The following PREX2 variants were observed in gnomAD, a reference collection of about 807,000 sequenced individuals.
The protein encoded by PREX2 is phosphatidylinositol 3,4,5-trisphosphate-dependent Rac exchanger 2 protein.
Under a neutral mutation model 203.2 loss-of-function variants are expected in PREX2, and 107 were observed. The observed-to-expected ratio is 0.53, with a 90% CI of 0.45 to 0.62. The LOEUF (loss-of-function observed/expected upper bound fraction) is 0.62. Among genes scored for constraint, PREX2 ranks in the 20% least tolerant of loss-of-function variants. The pLI, the probability that PREX2 is intolerant of heterozygous loss-of-function variation, is 0.00. For missense variants in PREX2, 1,777 were observed against 1,955.9 expected (o/e 0.91, Z 1.72); for synonymous variants, 672 against 663.6 (o/e 1.01, Z -0.19).
At chr8:68,130,857 C>T (rs1333936464) in intron 31 of PREX2, among the ~76,000 whole-genome samples, 1 of 152,116 alleles carries the variant, frequency 6.6e-6, no homozygotes, top group African/African-American at 2.4e-5. Flanking sequence ...GAAGAAGAGC[C>T]CCAGTACTTC....
At chr8:68,224,315 C>A (rs1813014621) in intron 38 of PREX2, among the ~76,000 whole-genome samples, 1 of 152,184 alleles carries the variant, frequency 6.6e-6, no homozygotes, top group African/African-American at 2.4e-5. Context: ...CTGTGCCTGG[C>A]CTGTTTTCAA....
At chr8:68,024,950 C>A (rs1434572896) in intron 4 of PREX2, among the ~76,000 whole-genome samples, 1 of 151,884 alleles carries the variant, frequency 6.6e-6, no homozygotes, top group East Asian at 1.9e-4. Context: ...TGTTCCATTT[C>A]ATCTCTCCTC....
chr8:67,958,424 G>T (rs924192174), intron 1 of PREX2, among the ~76,000 whole-genome samples: 7 of 152,290 alleles, frequency 4.6e-5, no homozygotes, highest in Admixed American at 6.5e-5. Flanking sequence ...CTCACATTTA[G>T]GGGTCTGAAA....
intron 34 of PREX2, among the ~76,000 whole-genome samples, chr8:68,148,697 G>A (rs576931608): frequency 4.2e-4 from 64 of 152,312 alleles, no homozygotes; most frequent in South Asian, 2.5e-3. Context: ...GTTTTGGTAT[G>A]CTCACAGCAG....
chr8:67,978,199 C>T (rs1013402097), intron 1 of PREX2, among the ~76,000 whole-genome samples: 1 of 152,038 alleles, frequency 6.6e-6, no homozygotes, highest in Non-Finnish European at 1.5e-5. Context: ...AAATCTCCCC[C>T]CTCCTCTCCC....
At chr8:67,975,045 C>A (rs1806034188) in intron 1 of PREX2, among the ~76,000 whole-genome samples, 1 of 152,128 alleles carries the variant, frequency 6.6e-6, no homozygotes, top group Non-Finnish European at 1.5e-5. Flanking sequence ...AGAGCTCTGG[C>A]TTCTGCCTTT....
rs752758195 is a variant in PREX2 at position 68,069,072 on chromosome 8, A to G, written c.1379A>G (p.Tyr460Cys). The G allele has an allele frequency of 3.8e-6, 6 of 1,565,260 alleles. No homozygotes were observed. Among genetic ancestry groups the G allele is most frequent in the Non-Finnish European group, 5.2e-6 (6 of 1,156,932 alleles). The change falls in exon 12 of 40, where the codon TAT becomes TGT. Residue 460 changes from tyrosine to cysteine, a missense_variant. Transcript: ENST00000288368. Reference protein sequence around the residue: ...KHQFKPEQMLYRFRYDDGTFY... With the variant: ...KHQFKPEQMLCRFRYDDGTFY... ...CAATTCAAACCAGAACAGATGTTAT[A>G]TAGATTTCGCTATGATGATGGAACA...
chr8:68,130,775 C>T (rs193113537), intron 31 of PREX2, among the ~76,000 whole-genome samples: 199 of 152,286 alleles, frequency 1.3e-3, no homozygotes, highest in Middle Eastern at 6.8e-3. Context: ...AACACAGACT[C>T]ATAAATGAAT....
chr8:68,120,112 AAAAT>A lies in PREX2; in HGVS notation c.3505-82_3505-79del, dbSNP rs1327825258. On this transcript the variant is annotated intron_variant, in intron 28 of 39. Transcript: ENST00000288368. ...TCAAAAATAATTGTTGCTTTAAGAA[AAAAT>A]ATTTTATAAGATTTACTTTTAGAAA... 8 of 912,180 alleles carry A rather than the reference AAAAT, an allele frequency of 8.8e-6. No homozygotes were observed. In the South Asian group the frequency reaches 1.4e-4, roughly 16 times the overall value. 56.5% of individuals were successfully genotyped at this position (912,180 alleles called of 1,614,324 possible).
chr8:68,215,367 AT>A (rs200289098), intron 37 of PREX2, among the ~76,000 whole-genome samples: 35 of 150,498 alleles, frequency 2.3e-4, no homozygotes, highest in Middle Eastern at 6.8e-3. Flanking sequence ...ACAGATAAAG[AT>A]TTTTTTTTTC....
chr8:68,053,430 G>A (rs1808583072), intron 9 of PREX2, among the ~76,000 whole-genome samples, 184 bp downstream of exon 9: 2 of 152,156 alleles, frequency 1.3e-5, no homozygotes, highest in African/African-American at 4.8e-5. Context: ...CTAATACTAT[G>A]TGACGTGAGC....
At chr8:68,048,964 G>A (rs1259160751) in intron 8 of PREX2, among the ~76,000 whole-genome samples, 1 of 151,782 alleles carries the variant, frequency 6.6e-6, no homozygotes. Context: ...CGTAACAATG[G>A]CTTAACAATG....
chr8:67,976,380 A>AAGAGGGAGAGAGACAGAG (rs1563479757), intron 1 of PREX2, among the ~76,000 whole-genome samples: 1 of 143,566 alleles, frequency 7.0e-6, no homozygotes. Context: ...CACTGAGAGA[A>AAGAGGGAGAGAGACAGAG]AGAGGGAGAG....
At chr8:68,042,912 A>G (rs1184285965) in intron 7 of PREX2, among the ~76,000 whole-genome samples, 1 of 152,138 alleles carries the variant, frequency 6.6e-6, no homozygotes, top group Admixed American at 6.6e-5. Context: ...ATATATTGAA[A>G]ATAGAACTAA....
rs1021054148 is a variant in PREX2 at position 68,025,160 on chromosome 8, A to G, written c.442-2062A>G. On this transcript the variant is annotated intron_variant, in intron 4 of 39. Transcript: ENST00000288368. Reference sequence around the variant, plus strand: ...AGCCCTTAGTACTTCTTCTTCTTGTAAGTCAGTTCTACTAGCAATAACTTT... The same window carrying G: ...AGCCCTTAGTACTTCTTCTTCTTGTGAGTCAGTTCTACTAGCAATAACTTT... Among the ~76,000 whole-genome samples, 19 of 151,774 alleles carry G rather than the reference A, an allele frequency of 1.3e-4. 1 individual carries two copies. The highest frequency in any genetic ancestry group is 4.4e-4 in the African/African-American group (18 of 41,304).
intron 39 of PREX2, among the ~76,000 whole-genome samples, chr8:68,230,066 A>T (rs1030808552): frequency 6.6e-6 from 1 of 152,182 alleles, no homozygotes; most frequent in Non-Finnish European, 1.5e-5. Context: ...CACCTTCCGG[A>T]CTTGAAATAC....
At chr8:67,998,832 C>G (rs1180315634) in intron 1 of PREX2, among the ~76,000 whole-genome samples, 4 of 152,206 alleles carry the variant, frequency 2.6e-5, no homozygotes, top group African/African-American at 9.6e-5. Context: ...TTTCTCTGTG[C>G]TCTGATCTAT....
chr8:68,107,708 C>A (rs536901521), intron 23 of PREX2, among the ~76,000 whole-genome samples: 1 of 152,276 alleles, frequency 6.6e-6, no homozygotes, highest in East Asian at 1.9e-4. Context: ...CTGGCAGCTA[C>A]CCTGTTTTGC....
intron 23 of PREX2, chr8:68,106,358 T>G (rs752527208): frequency 1.8e-5 from 9 of 511,076 alleles, no homozygotes; most frequent in Non-Finnish European, 3.1e-5. Context: ...GTTTCTTTAT[T>G]AGTAAAGTGA....
Sources: gnomAD v4.1 joint callset for allele counts (sites outside exome capture counted in the v4.1 genomes callset) on GRCh38, gnomAD v4.1.1 for gene constraint, MANE v1.5 for transcripts, NCBI Gene and HGNC (gene_info 2026-07-23, HGNC 2026-07-21) for gene names.